Variants in VPS45 observed in about 807,000 individuals in gnomAD.
VPS45 encodes vacuolar protein sorting 45 homolog, also known as vacuolar protein sorting-associated protein 45.
Under a neutral mutation model 75.9 loss-of-function variants are expected in VPS45, and 35 were observed. The observed-to-expected ratio is 0.46, with a 90% confidence interval of 0.35 to 0.61. VPS45 has a LOEUF of 0.61. Among genes scored for constraint, VPS45 ranks in the 20% least tolerant of loss-of-function variants. VPS45 has a pLI of 0.00. For missense variants in VPS45, 559 were observed against 685.9 expected (o/e 0.81, Z 2.07); for synonymous variants, 220 against 238.2 (o/e 0.92, Z 0.70).
intron 11 of VPS45, 86 bp downstream of exon 11, chr1:150,092,181 T>C (rs1656359823): frequency 6.5e-7 from 1 of 1,532,178 alleles, no homozygotes; most frequent in South Asian, 1.2e-5. Context: ...ATCATACTAT[T>C]TTTATTTACA....
chr1:150,126,703 T>C (rs1553810846), intron 14 of VPS45, among the ~76,000 whole-genome samples: 1 of 151,964 alleles, frequency 6.6e-6, no homozygotes, highest in Admixed American at 6.6e-5. Flanking sequence ...AGGTGGCCCA[T>C]GCCTGTAATC....
intron 6 of VPS45, 182 bp downstream of exon 6, chr1:150,077,413 G>C: frequency 1.2e-6 from 1 of 866,674 alleles, no homozygotes. Context: ...AAGATTCTTA[G>C]GTTTAACCCA....
intron 14 of VPS45, among the ~76,000 whole-genome samples, chr1:150,125,787 C>A (rs1658486491): frequency 6.6e-6 from 1 of 152,046 alleles, no homozygotes; most frequent in Non-Finnish European, 1.5e-5. Context: ...CACCCAGGTT[C>A]AAGGAATTCT....
chr1:150,121,477 T>G (rs1163588693), intron 14 of VPS45, among the ~76,000 whole-genome samples: 1 of 152,228 alleles, frequency 6.6e-6, no homozygotes, highest in Non-Finnish European at 1.5e-5. Context: ...TTATCTCCTG[T>G]CTCAGTATTT....
intron 10 of VPS45, among the ~76,000 whole-genome samples, chr1:150,084,421 G>T (rs587665526): frequency 6.6e-6 from 1 of 152,220 alleles, no homozygotes; most frequent in South Asian, 2.1e-4. Context: ...TACAGCAAGG[G>T]GCTGAACTGA....
At chr1:150,099,002 T>G in intron 13 of VPS45, 1 of 1,110,232 alleles carries the variant, frequency 9.0e-7, no homozygotes, top group Non-Finnish European at 1.1e-6. Flanking sequence ...TACAGCTTAT[T>G]TTTTGTTTCT....
intron 14 of VPS45, among the ~76,000 whole-genome samples, chr1:150,120,114 A>AT (rs1221390204): frequency 5.0e-4 from 67 of 134,756 alleles, no homozygotes; most frequent in Admixed American, 1.1e-3. Flanking sequence ...ATCTAAAAAA[A>AT]AATAATAAAT....
chr1:150,076,720 A>G (rs1184811883), intron 4 of VPS45, 196 bp from the exon 5 acceptor site: 1 of 614,326 alleles, frequency 1.6e-6, no homozygotes. Context: ...ATTTATTATT[A>G]TTGCTACTGT....
At chr1:150,068,026 A>C in intron 1 of VPS45, 76 bp downstream of exon 1, 1 of 1,406,628 alleles carries the variant, frequency 7.1e-7, no homozygotes, top group Non-Finnish European at 9.9e-7. Context: ...CCACTGTAGG[A>C]CTTAGCATTT....
At chr1:150,092,598 A>G (rs587701400) in intron 12 of VPS45, 189 bp downstream of exon 12, 1 of 410,906 alleles carries the variant, frequency 2.4e-6, no homozygotes, top group African/African-American at 2.0e-5. Context: ...TTAGAGCCGT[A>G]TCAACATTGG....
In VPS45 at chr1:150,076,917, A is replaced by T; in HGVS notation, c.371A>T (p.Glu124Val). Reference sequence around the variant, plus strand: ...CTATTCTTGGTGCTTTATTTGCAGGAATTTTATGGTGATTACATTGCTGTG... The same window carrying T: ...CTATTCTTGGTGCTTTATTTGCAGGTATTTTATGGTGATTACATTGCTGTG... The part of the protein sequence containing the change: ...DEQEVVAEVQ[E>V]FYGDYIAVNP... Residue 124 changes from glutamate to valine, a missense_variant and splice_region_variant, in exon 5 of 15, where the codon GAA becomes GTA. Glu to Val is a moderately radical substitution (Grantham distance 121, BLOSUM62 -2). Transcript: ENST00000644510. 6.2e-7 allele frequency: 1 copy of T among 1,613,960 alleles called. No homozygotes were observed. Among genetic ancestry groups the T allele is most frequent in the Non-Finnish European group, 8.5e-7 (1 of 1,179,964 alleles).
Position 150,082,010 on chromosome 1 carries a change from TG to T in VPS45, c.936+14del, listed in dbSNP as rs1553799514. On this transcript the variant is annotated intron_variant, in intron 9 of 14. Coordinates refer to ENST00000644510, the MANE Select transcript of VPS45 (RefSeq NM_007259.5). Reference sequence around the variant, plus strand: ...AGCAGACATGAAGGTAAATTGAACATGTACATGAATGACAAACATGTGACAG... The same window carrying T: ...AGCAGACATGAAGGTAAATTGAACATTACATGAATGACAAACATGTGACAG... 4.6e-6 allele frequency: 7 copies of T among 1,505,582 alleles called. No individual in the cohort carries two copies. Among genetic ancestry groups the T allele is most frequent in the Non-Finnish European group, 6.4e-6 (7 of 1,086,532 alleles). 93.3% of individuals were successfully genotyped at this position (1,505,582 alleles called of 1,614,324 possible). A position where few individuals can be genotyped will look rare whatever the true frequency, so the allele number is the denominator to read the frequency against.
At chr1:150,078,694 G>A (rs111465664) in intron 7 of VPS45, among the ~76,000 whole-genome samples, 5 of 151,884 alleles carry the variant, frequency 3.3e-5, no homozygotes, top group South Asian at 2.1e-4. Context: ...CCCAGGAGGC[G>A]AAGGTTGCAG....
intron 9 of VPS45, 78 bp downstream of exon 9, chr1:150,082,075 C>T: frequency 1.1e-6 from 1 of 885,218 alleles, no homozygotes; most frequent in South Asian, 1.7e-5. Context: ...TTGGAATCTT[C>T]TGGGTCTAAT....
At chr1:150,126,406 G>T (rs2101638861) in intron 14 of VPS45, among the ~76,000 whole-genome samples, 1 of 151,966 alleles carries the variant, frequency 6.6e-6, no homozygotes, top group Non-Finnish European at 1.5e-5. Context: ...GTAGAAATGG[G>T]GTTTCACCAT....
chr1:150,141,828 A>G lies in VPS45; in HGVS notation c.1626-2881A>G, dbSNP rs1487981441. 2.0e-5 allele frequency among the ~76,000 whole-genome samples: 3 copies of G among 152,230 alleles called. No homozygotes were observed. In the East Asian group the frequency reaches 5.8e-4, roughly 29 times the overall value. On this transcript the variant is annotated intron_variant, in intron 14 of 14. Transcript: ENST00000644510. ...CATTTGTACACCTAGTTCAACACCT[A>G]GTTCATAATGGATGCTCATTAAACA...
chr1:150,089,527 A>AT (rs1160471578), intron 10 of VPS45, among the ~76,000 whole-genome samples: 1 of 151,750 alleles, frequency 6.6e-6, no homozygotes, highest in Non-Finnish European at 1.5e-5. Context: ...CATCCTGCTA[A>AT]TTTTTTGTAT....
intron 14 of VPS45, among the ~76,000 whole-genome samples, chr1:150,115,812 A>G (rs1300634338): frequency 6.6e-5 from 10 of 152,010 alleles, no homozygotes; most frequent in African/African-American, 2.4e-4. Flanking sequence ...GGAAATCTCA[A>G]TTTTGATTTA....
intron 10 of VPS45, among the ~76,000 whole-genome samples, chr1:150,087,929 A>AT (rs781894575): frequency 6.6e-6 from 1 of 151,968 alleles, no homozygotes; most frequent in Non-Finnish European, 1.5e-5. Flanking sequence ...ATGGAAGTGG[A>AT]TTTTTTTTAG....
Sources: gnomAD v4.1 joint callset for allele counts (sites outside exome capture counted in the v4.1 genomes callset) on GRCh38, gnomAD v4.1.1 for gene constraint, MANE v1.5 for transcripts, NCBI Gene and HGNC (gene_info 2026-07-23, HGNC 2026-07-21) for gene names.